Variants in CCNB1IP1 observed in about 807,000 individuals in gnomAD.
CCNB1IP1 encodes cyclin B1 interacting protein 1.
A neutral mutation model predicts 25.6 loss-of-function variants in CCNB1IP1; 14 were observed. That is an observed-to-expected ratio of 0.55 (90% CI 0.36 to 0.85). The LOEUF is 0.85. Ranked by LOEUF, CCNB1IP1 falls within the 40% of genes least tolerant of loss-of-function variation. CCNB1IP1 has a pLI of 0.01. For synonymous variants in CCNB1IP1, 119 were observed against 116.1 expected (o/e 1.02, Z -0.16); for missense variants, 278 against 342.4 (o/e 0.81, Z 1.48).
intron 4 of CCNB1IP1, among the ~76,000 whole-genome samples, chr14:20,324,824 A>T (rs185960282): frequency 8.6e-5 from 13 of 151,954 alleles, no homozygotes; most frequent in Non-Finnish European, 1.3e-4. Flanking sequence ...AACATCTTTA[A>T]TTGACTCTTT....
At chr14:20,326,412 C>T in intron 3 of CCNB1IP1, 1 of 515,412 alleles carries the variant, frequency 1.9e-6, no homozygotes, top group Non-Finnish European at 4.0e-6. Context: ...TGAATTCCAA[C>T]AAGCAGAATT....
rs541115399 is a variant in CCNB1IP1 at position 20,325,648 on chromosome 14, T to C, written c.-147A>G. On this transcript the variant is annotated 5_prime_UTR_variant, in exon 4 of 7. The change abolishes the stop of an existing upstream ORF in the 5' untranslated region. Coordinates refer to ENST00000358932, the MANE Select transcript of CCNB1IP1 (RefSeq NM_021178.5). ...GATCTGGTTTCAGTCTCTTGAAATT[T>C]TACTCCTGCAAAAGACAACAAAAGC... 1 of 152,224 alleles carries C rather than the reference T, an allele frequency of 6.6e-6. No individual in the cohort carries two copies. Among genetic ancestry groups the C allele is most frequent in the South Asian group, 2.1e-4 (1 of 4,824 alleles). The allele number at this position is 152,224 out of a possible 1,614,324, so 9.4% of individuals were successfully genotyped here. A position where few individuals can be genotyped will look rare whatever the true frequency, so the allele number is the denominator to read the frequency against.
At chr14:20,328,547 A>G (rs1883144992) in intron 2 of CCNB1IP1, among the ~76,000 whole-genome samples, 1 of 152,212 alleles carries the variant, frequency 6.6e-6, no homozygotes, top group Non-Finnish European at 1.5e-5. Flanking sequence ...GTCTACCTTA[A>G]AACTCCTTGA....
At chr14:20,313,892 G>T in intron 5 of CCNB1IP1, 91 bp from the exon 6 acceptor site, 1 of 913,600 alleles carries the variant, frequency 1.1e-6, no homozygotes, top group Non-Finnish European at 1.6e-6. Flanking sequence ...AAAGAAAGAT[G>T]CTTATATAGG....
At position 20,330,117 on chromosome 14, in the gene CCNB1IP1, AAC is replaced by A. The variant is rs1176796999; in HGVS notation, c.-430-746_-430-745del. ...TTTCCACAGCCATAAAAAAAAAAAAAACAAAAAACATGTCCTTTGCAGCAACT... is the reference window on the plus strand; with the variant it reads ...TTTCCACAGCCATAAAAAAAAAAAAAAAAAAACATGTCCTTTGCAGCAACT... On this transcript the variant is annotated intron_variant, in intron 1 of 6. Transcript: ENST00000358932. Among the ~76,000 whole-genome samples, 413 of 122,242 alleles carry A rather than the reference AAC, an allele frequency of 3.4e-3. 9 individuals are homozygous for A. The highest frequency in any genetic ancestry group is 0.014 in the African/African-American group (335 of 24,636). The allele number at this position is 122,242 out of a possible 152,430, so 80.2% of individuals were successfully genotyped here.
rs1883165727 is a variant in CCNB1IP1 at position 20,329,231 on chromosome 14, T to C, written c.-288A>G. ...TGATCAAAATTCAAGTACCAGGCTT[T>C]AGGTACCATCAGCCTTTAACCCTTT... On this transcript the variant is annotated 5_prime_UTR_variant, in exon 2 of 7. Transcript: ENST00000358932. The C allele has an allele frequency of 1.3e-5, 2 of 152,224 alleles. No individual in the cohort carries two copies. Among genetic ancestry groups the C allele is most frequent in the East Asian group, 1.9e-4 (1 of 5,202 alleles). 9.4% of individuals were successfully genotyped at this position (152,224 alleles called of 1,614,324 possible).
chr14:20,332,022 ATATAT>A (rs1466506229), intron 1 of CCNB1IP1, among the ~76,000 whole-genome samples: 1 of 51,192 alleles, frequency 2.0e-5, no homozygotes, highest in South Asian at 8.7e-4. Context: ...ATATATATAT[ATATAT>A]TTTTTTTTTT....
intron 1 of CCNB1IP1, among the ~76,000 whole-genome samples, chr14:20,332,183 C>T (rs1190398334): frequency 6.6e-6 from 1 of 150,618 alleles, no homozygotes; most frequent in Admixed American, 6.6e-5. Flanking sequence ...TACAGGCATG[C>T]GCCGCCATGC....
Position 20,311,597 on chromosome 14 carries a change from C to A in CCNB1IP1, c.787G>T (p.Glu263Ter). 6.2e-7 allele frequency: 1 copy of A among 1,613,998 alleles called. No individual in the cohort carries two copies. The highest frequency in any genetic ancestry group is 8.5e-7 in the Non-Finnish European group (1 of 1,180,008). ...GCCCTGCTAGAAACTTGCTGCTGCTCTAATTCACGACTTGGAGAGACAAAA... is the reference window on the plus strand; with the variant it reads ...GCCCTGCTAGAAACTTGCTGCTGCTATAATTCACGACTTGGAGAGACAAAA... ...FSFVSPSREL[E>*]QQQVSSRAFK... is the part of the protein sequence containing the mutation. Residue 263 changes from glutamate (E) to a stop codon, truncating the protein, a stop_gained, in exon 7 of 7, where the codon GAG becomes TAG. Transcript: ENST00000358932. LOFTEE classifies it high-confidence loss of function.
intron 4 of CCNB1IP1, among the ~76,000 whole-genome samples, chr14:20,322,311 C>T (rs4981150): frequency 0.32 from 48,324 of 151,904 alleles, 8,545 homozygotes; most frequent in African/African-American, 0.48. Context: ...CCCACCACCC[C>T]ACCCTGAACC....
At position 20,311,676 on chromosome 14, in the gene CCNB1IP1, T is replaced by C. The variant is rs138897093; in HGVS notation, c.708A>G (p.Arg236=). 3.2e-4 allele frequency: 515 copies of C among 1,614,098 alleles called. 1 individual carries two copies. Among genetic ancestry groups the C allele is most frequent in the Middle Eastern group, 2.0e-3 (12 of 6,062 alleles). ...RGDGDGDFQF[R]PFFAGSPTAP... Reference sequence around the variant, plus strand: ...CTGTGGGAGAACCCGCAAAAAATGGTCTGAACTGAAAATCTCCATCTCCAT... The same window carrying C: ...CTGTGGGAGAACCCGCAAAAAATGGCCTGAACTGAAAATCTCCATCTCCAT... The change falls in exon 7 of 7, where the codon AGA becomes AGG. Residue 236 remains arginine, a synonymous_variant. Coordinates refer to ENST00000358932, the MANE Select transcript of CCNB1IP1 (RefSeq NM_021178.5).
At chr14:20,326,090 G>A (rs532011250) in intron 3 of CCNB1IP1, among the ~76,000 whole-genome samples, 9 of 152,052 alleles carry the variant, frequency 5.9e-5, no homozygotes, top group African/African-American at 9.7e-5. Flanking sequence ...GTGTTGTACC[G>A]TATAGTCTTC....
At chr14:20,319,032 G>A (rs2138854377) in intron 4 of CCNB1IP1, 1 of 152,370 alleles carries the variant, frequency 6.6e-6, no homozygotes, top group Non-Finnish European at 1.5e-5. Flanking sequence ...CAACGTGCCG[G>A]GATTACAGGC....
intron 4 of CCNB1IP1, among the ~76,000 whole-genome samples, chr14:20,321,428 T>C (rs920788896): frequency 6.6e-6 from 1 of 151,790 alleles, no homozygotes. Context: ...TCATGAAATG[T>C]ATATTATCGA....
chr14:20,323,099 G>A (rs1269419872), intron 4 of CCNB1IP1: 2 of 152,146 alleles, frequency 1.3e-5, no homozygotes, highest in Non-Finnish European at 2.9e-5. Flanking sequence ...CTATATGCTC[G>A]TGTTTTGAAA....
chr14:20,312,770 T>C (rs570179439), intron 6 of CCNB1IP1, among the ~76,000 whole-genome samples: 74 of 151,236 alleles, frequency 4.9e-4, no homozygotes, highest in African/African-American at 1.5e-3. Context: ...TCATACTAGA[T>C]TGTGATTTAA....
chr14:20,313,580 C>T lies in CCNB1IP1; in HGVS notation c.519G>A (p.Lys173=). The T allele has an allele frequency of 6.2e-7, 1 of 1,614,178 alleles. No homozygotes were observed. The highest frequency in any genetic ancestry group is 8.5e-7 in the Non-Finnish European group (1 of 1,180,028). The change falls in exon 6 of 7, where the codon AAG becomes AAA. Residue 173 remains lysine (K), a synonymous_variant. Coordinates refer to ENST00000358932, the MANE Select transcript of CCNB1IP1 (RefSeq NM_021178.5). ...KLMERNRQYQ[K]LQGLYDSLRL... is the part of the protein sequence containing the mutation. ...TAAGGCTATCATAGAGGCCTTGGAG[C>T]TTTTGATACTGACGATTGCGCTCCA...
At chr14:20,315,556 A>T in intron 5 of CCNB1IP1, 1 of 1,262,016 alleles carries the variant, frequency 7.9e-7, no homozygotes, top group Non-Finnish European at 1.0e-6. Flanking sequence ...TATATGTAAG[A>T]TATAACAATA....
intron 6 of CCNB1IP1, among the ~76,000 whole-genome samples, 158 bp downstream of exon 6, chr14:20,313,310 T>C (rs1387535804): frequency 6.6e-6 from 1 of 152,186 alleles, no homozygotes; most frequent in Non-Finnish European, 1.5e-5. Context: ...ATAAAAGCAA[T>C]GATGTACAGG....
Sources: gnomAD v4.1 joint callset for allele counts (sites outside exome capture counted in the v4.1 genomes callset) on GRCh38, gnomAD v4.1.1 for gene constraint, MANE v1.5 for transcripts, NCBI Gene and HGNC (gene_info 2026-07-23, HGNC 2026-07-21) for gene names.